Variants in MYO1D observed in about 807,000 individuals in gnomAD.
MYO1D encodes the protein myosin ID.
Under a neutral mutation model 122.0 loss-of-function variants are expected in MYO1D, and 83 were observed. That is an observed-to-expected ratio of 0.68 (90% CI 0.57 to 0.82). MYO1D has a LOEUF of 0.82. Ranked by LOEUF, MYO1D falls within the 40% of genes least tolerant of loss-of-function variation. The probability of loss-of-function intolerance (pLI) is 0.00; values close to 1 mark genes in which losing one functional copy is unlikely to be tolerated. For missense variants in MYO1D, 1,157 were observed against 1,269.5 expected (o/e 0.91, Z 1.35); for synonymous variants, 464 against 446.9 (o/e 1.04, Z -0.48).
intron 20 of MYO1D, among the ~76,000 whole-genome samples, chr17:32,631,184 T>C (rs1363112863): frequency 6.6e-6 from 1 of 151,958 alleles, no homozygotes; most frequent in African/African-American, 2.4e-5. Context: ...GTCAATATGA[T>C]GGGAAAAAAA....
At chr17:32,874,028 C>A (rs1200726168) in intron 1 of MYO1D, among the ~76,000 whole-genome samples, 1 of 152,144 alleles carries the variant, frequency 6.6e-6, no homozygotes, top group Admixed American at 6.5e-5. Flanking sequence ...CCTGCTCATG[C>A]TGCTTAATCC....
intron 14 of MYO1D, among the ~76,000 whole-genome samples, chr17:32,727,903 T>C (rs1205790087): frequency 6.6e-6 from 1 of 152,208 alleles, no homozygotes; most frequent in East Asian, 1.9e-4. Context: ...GGCATAGCTA[T>C]ATTATTCATG....
intron 16 of MYO1D, among the ~76,000 whole-genome samples, chr17:32,672,175 T>C (rs2150961133): frequency 6.6e-6 from 1 of 152,324 alleles, no homozygotes; most frequent in Non-Finnish European, 1.5e-5. Context: ...GCAGATGTTT[T>C]TAGCATTTTA....
intron 21 of MYO1D, among the ~76,000 whole-genome samples, chr17:32,580,887 C>T (rs2087332860): frequency 6.6e-6 from 1 of 152,166 alleles, no homozygotes; most frequent in Non-Finnish European, 1.5e-5. Flanking sequence ...AATCTATGCT[C>T]TTAATGGACA....
intron 1 of MYO1D, among the ~76,000 whole-genome samples, chr17:32,809,405 C>T (rs1351461836): frequency 3.3e-5 from 5 of 149,898 alleles, no homozygotes; most frequent in Non-Finnish European, 7.4e-5. Context: ...GAATTACAGG[C>T]ATGAGCCACT....
chr17:32,775,561 G>T (rs1428555686), intron 4 of MYO1D, among the ~76,000 whole-genome samples: 1 of 152,150 alleles, frequency 6.6e-6, no homozygotes, highest in Non-Finnish European at 1.5e-5. Context: ...GGCTAGAACT[G>T]ATTAGTCTTA....
intron 20 of MYO1D, among the ~76,000 whole-genome samples, chr17:32,609,364 C>G (rs1374312385): frequency 1.3e-5 from 2 of 152,196 alleles, no homozygotes; most frequent in Admixed American, 6.5e-5. Context: ...CGCAGTGCCA[C>G]ACGGCCTGTG....
At chr17:32,851,623 C>A (rs544662628) in intron 1 of MYO1D, among the ~76,000 whole-genome samples, 2 of 152,324 alleles carry the variant, frequency 1.3e-5, no homozygotes, top group Admixed American at 1.3e-4. Context: ...GGTCCCCAAC[C>A]TTTTGTGCAC....
At position 32,605,811 on chromosome 17, in the gene MYO1D, T is replaced by A. The variant is rs544885031; in HGVS notation, c.2710-570A>T. The stretch of plus-strand genomic sequence containing the variant: ...ACCAAATAATTCTGGCAGGGTGCAG[T>A]GGCTCACACCTGTAATCCTAGCACT... On this transcript the variant is annotated intron_variant, in intron 20 of 21. Coordinates refer to ENST00000318217, the MANE Select transcript of MYO1D (RefSeq NM_015194.3). 5.0e-4 allele frequency among the ~76,000 whole-genome samples: 76 copies of A among 152,280 alleles called. 2 individuals are homozygous for A. In the South Asian group the frequency reaches 0.014, roughly 29 times the overall value.
intron 21 of MYO1D, among the ~76,000 whole-genome samples, chr17:32,577,122 G>A (rs1306410485): frequency 6.6e-6 from 1 of 152,098 alleles, no homozygotes; most frequent in Non-Finnish European, 1.5e-5. Flanking sequence ...GTGGCAGTGG[G>A]TGCCTGTAAT....
rs548920217 is a variant in MYO1D, at chr17:32,542,792, T to A, written c.2865-47877A>T. On this transcript the variant is annotated intron_variant, in intron 21 of 21. Coordinates refer to ENST00000318217, the MANE Select transcript of MYO1D (RefSeq NM_015194.3). ...CAGTGAGGCCTGTGGGAAGCTGCCC[T>A]CCAACCCTTAGAAGTAGTGAGTTCC... is the stretch of plus-strand genomic sequence containing the variant. Among the ~76,000 whole-genome samples the A allele has an allele frequency of 1.9e-3, 295 of 152,220 alleles. 1 individual carries two copies. Among genetic ancestry groups the A allele is most frequent in the Non-Finnish European group, 2.6e-3 (176 of 68,000 alleles).
intron 1 of MYO1D, among the ~76,000 whole-genome samples, chr17:32,822,852 ACT>A (rs1201986667): frequency 2.0e-5 from 3 of 151,454 alleles, no homozygotes; most frequent in Non-Finnish European, 4.4e-5. Flanking sequence ...CGGGCGTGAG[ACT>A]CAGCCGGCGT....
At chr17:32,697,119 C>T (rs970001875) in intron 16 of MYO1D, among the ~76,000 whole-genome samples, 2 of 152,206 alleles carry the variant, frequency 1.3e-5, no homozygotes, top group Admixed American at 1.3e-4. Context: ...CCTAGGGCCT[C>T]GTAATTACTC....
intron 16 of MYO1D, among the ~76,000 whole-genome samples, chr17:32,672,215 T>G (rs1476499153): frequency 1.3e-5 from 2 of 152,134 alleles, no homozygotes; most frequent in Non-Finnish European, 2.9e-5. Context: ...TCAAAGAGAG[T>G]GATATACTTT....
At chr17:32,856,950 T>C (rs939236327) in intron 1 of MYO1D, among the ~76,000 whole-genome samples, 2 of 152,224 alleles carry the variant, frequency 1.3e-5, no homozygotes, top group Non-Finnish European at 2.9e-5. Context: ...GTCTGTATCA[T>C]TGCTCTCTAT....
chr17:32,626,331 T>A (rs148259041), intron 20 of MYO1D, among the ~76,000 whole-genome samples: 207 of 152,360 alleles, frequency 1.4e-3, no homozygotes, highest in African/African-American at 4.7e-3. Context: ...AAAAAATATA[T>A]ACATCTCCGT....
At chr17:32,549,217 A>G (rs1276791994) in intron 21 of MYO1D, among the ~76,000 whole-genome samples, 3 of 152,040 alleles carry the variant, frequency 2.0e-5, no homozygotes, top group Non-Finnish European at 2.9e-5. Context: ...CTCAGCCTCC[A>G]GAGCAGCTAG....
At chr17:32,628,258 G>A (rs1464907500) in intron 20 of MYO1D, among the ~76,000 whole-genome samples, 3 of 152,124 alleles carry the variant, frequency 2.0e-5, no homozygotes, top group Non-Finnish European at 4.4e-5. Context: ...AGGGGATGAT[G>A]CCAATTTGAC....
chr17:32,760,590 C>G lies in MYO1D; in HGVS notation c.1073G>C (p.Arg358Pro), dbSNP rs560620599. 6.2e-7 allele frequency: 1 copy of G among 1,611,736 alleles called. No individual in the cohort carries two copies. Among genetic ancestry groups the G allele is most frequent in the Non-Finnish European group, 8.5e-7 (1 of 1,179,048 alleles). ...CTTGACCTCAATAATATCATTGATG[C>G]GAGTAACGATCCAACAAAAAAGGCG... ...YERLFCWIVT[R>P]INDIIEVKNY... The change falls in exon 9 of 22, where the codon CGC (arginine) becomes CCC (proline). Residue 358 changes from arginine to proline, a missense_variant. Transcript: ENST00000318217.
Sources: allele counts gnomAD v4.1 joint callset (sites outside exome capture counted in the v4.1 genomes callset), GRCh38; gene constraint gnomAD v4.1.1; transcripts MANE v1.5; gene names NCBI Gene and HGNC (gene_info 2026-07-23, HGNC 2026-07-21).